NRG1: variants seen among roughly 807,000 people sequenced by gnomAD.
The protein encoded by NRG1 is pro-neuregulin-1, membrane-bound isoform.
A neutral mutation model predicts 63.8 loss-of-function variants in NRG1; 18 were observed. The observed-to-expected ratio is 0.28, with a 90% CI of 0.19 to 0.42. NRG1 has a LOEUF of 0.42. Among genes scored for constraint, NRG1 ranks in the 10% least tolerant of loss-of-function variants. The pLI, the probability that NRG1 is intolerant of heterozygous loss-of-function variation, is 1.00. For missense variants in NRG1, 762 were observed against 814.7 expected, an observed-to-expected ratio of 0.94 and a Z score of 0.79; for synonymous variants, 302 against 301.3, an observed-to-expected ratio of 1.00 and a Z score of -0.02.
At chr8:32,150,957 G>A (rs1263436055) in intron 1 of NRG1, among the ~76,000 whole-genome samples, 2 of 152,124 alleles carry the variant, frequency 1.3e-5, no homozygotes, top group Non-Finnish European at 2.9e-5. Context: ...AACAAAGAAG[G>A]TAAGATATGT....
intron 1 of NRG1, among the ~76,000 whole-genome samples, chr8:31,732,067 C>G (rs1213861121): frequency 1.3e-5 from 2 of 151,936 alleles, no homozygotes; most frequent in African/African-American, 4.8e-5. Context: ...TTATTTTTTT[C>G]CTAGCACTAG....
intron 7 of NRG1, among the ~76,000 whole-genome samples, chr8:32,745,811 A>G (rs529686783): frequency 6.6e-6 from 1 of 152,292 alleles, no homozygotes; most frequent in East Asian, 1.9e-4. Flanking sequence ...CAGAGCAGGT[A>G]TGTCATATAT....
chr8:32,643,147 G>A lies in NRG1; in HGVS notation c.502+26262G>A, dbSNP rs183158413. ...CTGCCAAATCCCATTCTATATTACC[G>A]TGTCTCTTCTTGATCCAGGTTGGCA... On this transcript the variant is annotated intron_variant, in intron 5 of 11. Coordinates refer to ENST00000356819, the Ensembl canonical transcript of NRG1. Among the ~76,000 whole-genome samples, 20 of 152,206 alleles carry A rather than the reference G, an allele frequency of 1.3e-4. No individual in the cohort carries two copies. The South Asian group carries it at 2.5e-3, about 19-fold the overall frequency.
intron 5 of NRG1, among the ~76,000 whole-genome samples, chr8:32,667,087 A>T (rs181156136): frequency 6.6e-6 from 1 of 152,330 alleles, no homozygotes; most frequent in East Asian, 1.9e-4. Context: ...ACAAGCCTTG[A>T]TGGTATAGCC....
intron 1 of NRG1, among the ~76,000 whole-genome samples, chr8:32,133,188 A>G (rs923615729): frequency 6.6e-6 from 1 of 152,108 alleles, no homozygotes; most frequent in Middle Eastern, 3.2e-3. Flanking sequence ...ACATGTTTTT[A>G]TAATGGCAGG....
At chr8:32,075,628 A>C (rs1291326282) in intron 1 of NRG1, among the ~76,000 whole-genome samples, 1 of 151,772 alleles carries the variant, frequency 6.6e-6, no homozygotes, top group Non-Finnish European at 1.5e-5. Flanking sequence ...TTTAAAATTA[A>C]TATTATTTTT....
chr8:32,309,109 T>C (rs1362860835), intron 1 of NRG1, among the ~76,000 whole-genome samples: 1 of 152,188 alleles, frequency 6.6e-6, no homozygotes, highest in Admixed American at 6.5e-5. Context: ...GTTGAAAACA[T>C]TGGAGACAGT....
chr8:32,686,526 C>T (rs1344570601), intron 5 of NRG1, among the ~76,000 whole-genome samples: 5 of 152,088 alleles, frequency 3.3e-5, no homozygotes. Context: ...ATGTGTCAGC[C>T]CTGGGTTTAA....
At position 32,233,563 on chromosome 8, in the gene NRG1, A is replaced by ATATATATT. The variant is rs34593729; in HGVS notation, c.38-362264_38-362263insATATATTT. Among the ~76,000 whole-genome samples, 563 of 67,146 alleles carry ATATATATT rather than the reference A, an allele frequency of 8.4e-3. 9 individuals are homozygous for ATATATATT. Among genetic ancestry groups the ATATATATT allele is most frequent in the East Asian group, 0.043 (108 of 2,532 alleles). The allele number at this position is 67,146 out of a possible 152,430, so 44.1% of individuals were successfully genotyped here. On this transcript the variant is annotated intron_variant, in intron 1 of 10. Transcript: ENST00000519301. ...TATATATATATATATATATATATAT[A>ATATATATT]TTTTTTTTTTTTTTTCTTTTGAAAC...
chr8:32,669,006 A>G (rs1323030015), intron 5 of NRG1, among the ~76,000 whole-genome samples: 1 of 152,196 alleles, frequency 6.6e-6, no homozygotes, highest in Non-Finnish European at 1.5e-5. Context: ...GAAAGCATCC[A>G]CAGTTTGTGA....
intron 1 of NRG1, among the ~76,000 whole-genome samples, chr8:32,584,884 T>C (rs1257792595): frequency 1.3e-5 from 2 of 152,142 alleles, no homozygotes; most frequent in African/African-American, 2.4e-5. Context: ...TATAATCAAT[T>C]GCTAACTCAT....
chr8:31,667,148 T>C (rs1806632647), intron 1 of NRG1, among the ~76,000 whole-genome samples: 1 of 152,204 alleles, frequency 6.6e-6, no homozygotes, highest in African/African-American at 2.4e-5. Context: ...ATGATTGTTA[T>C]TCTTAATTCC....
At chr8:31,893,172 ATATTATATAC>A (rs1270830840) in intron 1 of NRG1, among the ~76,000 whole-genome samples, 12 of 150,220 alleles carry the variant, frequency 8.0e-5, no homozygotes, top group Admixed American at 4.7e-4. Flanking sequence ...ATAATAGACT[ATATTATATAC>A]TATTATATAA....
intron 5 of NRG1, among the ~76,000 whole-genome samples, chr8:32,624,026 A>G (rs1448087826): frequency 6.6e-6 from 1 of 152,194 alleles, no homozygotes; most frequent in Non-Finnish European, 1.5e-5. Context: ...CATACTTTAC[A>G]TTTTATAAGG....
intron 1 of NRG1, among the ~76,000 whole-genome samples, chr8:32,399,618 T>C (rs770399916): frequency 2.0e-5 from 3 of 152,270 alleles, no homozygotes; most frequent in Non-Finnish European, 2.9e-5. Flanking sequence ...GGTAGGAGAA[T>C]CACTTGAACC....
intron 1 of NRG1, among the ~76,000 whole-genome samples, chr8:32,056,055 C>T (rs1479684779): frequency 6.6e-6 from 1 of 152,114 alleles, no homozygotes; most frequent in African/African-American, 2.4e-5. Context: ...ACAGACTCCT[C>T]TCCCCATAGA....
intron 1 of NRG1, among the ~76,000 whole-genome samples, chr8:31,932,937 A>T (rs1834984233): frequency 2.6e-5 from 4 of 152,220 alleles, no homozygotes; most frequent in Admixed American, 6.5e-5. Flanking sequence ...AATGTAAGGC[A>T]TTCATGAGCA....
At chr8:31,776,548 TA>T (rs1349707246) in intron 1 of NRG1, among the ~76,000 whole-genome samples, 1 of 152,120 alleles carries the variant, frequency 6.6e-6, no homozygotes, top group Non-Finnish European at 1.5e-5. Context: ...TTTTTTATAT[TA>T]TTATTATACT....
chr8:32,726,104 T>A (rs1466603281), intron 5 of NRG1, among the ~76,000 whole-genome samples: 16 of 152,172 alleles, frequency 1.1e-4, no homozygotes, highest in Admixed American at 1.0e-3. Flanking sequence ...TTTGTTGGAG[T>A]AATAAAAAAT....
Sources: gnomAD v4.1 joint callset for allele counts (sites outside exome capture counted in the v4.1 genomes callset) on GRCh38, gnomAD v4.1.1 for gene constraint, MANE v1.5 for transcripts, NCBI Gene and HGNC (gene_info 2026-07-23, HGNC 2026-07-21) for gene names.